The following FAM193B variants were observed in gnomAD, a reference collection of about 807,000 sequenced individuals.
FAM193B encodes protein FAM193B.
Under a neutral mutation model 70.7 loss-of-function variants are expected in FAM193B, and 27 were observed. That is an observed-to-expected ratio of 0.38 (90% confidence interval 0.28 to 0.53). The LOEUF is 0.53. Among genes scored for constraint, FAM193B ranks in the 20% least tolerant of loss-of-function variants. The pLI is 0.81. For missense variants in FAM193B, 1,022 were observed against 1,072.5 expected, an observed-to-expected ratio of 0.95 and a Z score of 0.66; for synonymous variants, 448 against 436.0, an observed-to-expected ratio of 1.03 and a Z score of -0.34.
At chr5:177,541,457 C>T (rs540334240) in intron 1 of FAM193B, among the ~76,000 whole-genome samples, 2 of 152,176 alleles carry the variant, frequency 1.3e-5, no homozygotes, top group African/African-American at 4.8e-5. Context: ...CTCGCTCTGT[C>T]GCCCAGGCTG....
intron 5 of FAM193B, chr5:177,531,626 C>T (rs1254688589): frequency 9.9e-7 from 1 of 1,008,294 alleles, no homozygotes; most frequent in South Asian, 1.6e-5. Context: ...GACAACTGTT[C>T]TCTCTACCAT....
intron 5 of FAM193B, chr5:177,525,550 C>T (rs1762459084): frequency 4.7e-6 from 1 of 212,340 alleles, no homozygotes; most frequent in South Asian, 1.9e-4. Flanking sequence ...GGCATTCTCT[C>T]CACCCCTACG....
In FAM193B at chr5:177,523,937, A is replaced by G; in HGVS notation, c.2372+20T>C. On this transcript the variant is annotated intron_variant, in intron 7 of 8. Transcript: ENST00000514747. The stretch of plus-strand genomic sequence containing the variant: ...ACCTGGAGTCCTCCACAAGTGGGAG[A>G]GCAGGCAGCCCACACCTACCTCTTA... 1 of 1,613,554 alleles carries G rather than the reference A, an allele frequency of 6.2e-7. No individual in the cohort carries two copies. Among genetic ancestry groups the G allele is most frequent in the Admixed American group, 1.7e-5 (1 of 60,022 alleles).
At chr5:177,552,042 C>T (rs1397474644) in intron 1 of FAM193B, 9 of 985,296 alleles carry the variant, frequency 9.1e-6, no homozygotes, top group Non-Finnish European at 1.1e-5. Flanking sequence ...CCCAAAGTAC[C>T]TAAAAGTCCT....
chr5:177,538,716 G>A lies in FAM193B; in HGVS notation c.453+189C>T, dbSNP rs1764487633. On this transcript the variant is annotated intron_variant, in intron 2 of 8. Coordinates refer to ENST00000514747, the MANE Select transcript of FAM193B (RefSeq NM_001190946.3). The surrounding 1 kb of genome is among the most constrained non-coding windows in gnomAD (Gnocchi z 4.1). Reference sequence around the variant, plus strand: ...ACCCTGAGGGACTGACCGGTGGGCTGCCAGAAGTTTCTCTTCTTCCCCCAA... The same window carrying A: ...ACCCTGAGGGACTGACCGGTGGGCTACCAGAAGTTTCTCTTCTTCCCCCAA... Among the ~76,000 whole-genome samples the A allele has an allele frequency of 6.6e-6, 1 of 152,144 alleles. No individual in the cohort carries two copies. The highest frequency in any genetic ancestry group is 1.5e-5 in the Non-Finnish European group (1 of 68,012).
chr5:177,523,739 ATCTC>A (rs1248426315), intron 7 of FAM193B, among the ~76,000 whole-genome samples: 1 of 152,240 alleles, frequency 6.6e-6, no homozygotes, highest in Non-Finnish European at 1.5e-5. Context: ...GCCTCCTCCT[ATCTC>A]TTGCACCTTC....
At position 177,543,085 on chromosome 5, in the gene FAM193B, G is replaced by C. The variant is rs1388973841; in HGVS notation, c.211-3938C>G. ...AATCTTAACCGCGTTAAGAGTAAAA[G>C]ACTGCATTCTTTAGGGATTATAATG... On this transcript the variant is annotated intron_variant, in intron 1 of 8. Coordinates refer to ENST00000514747, the MANE Select transcript of FAM193B (RefSeq NM_001190946.3). Among the ~76,000 whole-genome samples the C allele has an allele frequency of 2.0e-5, 3 of 152,300 alleles. No individual in the cohort carries two copies. In the East Asian group the frequency reaches 5.8e-4, roughly 29 times the overall value.
chr5:177,531,116 G>A (rs751216065), intron 5 of FAM193B, among the ~76,000 whole-genome samples: 5 of 152,116 alleles, frequency 3.3e-5, no homozygotes, highest in Admixed American at 6.5e-5. Flanking sequence ...TTGCCCCCAG[G>A]ATCCCTGACC....
At chr5:177,529,083 A>C (rs1215581303) in intron 5 of FAM193B, among the ~76,000 whole-genome samples, 3 of 152,164 alleles carry the variant, frequency 2.0e-5, no homozygotes, top group Non-Finnish European at 4.4e-5. Context: ...CCTGGGAAGA[A>C]GAGAACGGGG....
chr5:177,540,333 A>G (rs1222122263), intron 1 of FAM193B, among the ~76,000 whole-genome samples: 5 of 151,868 alleles, frequency 3.3e-5, no homozygotes, highest in African/African-American at 1.2e-4. Flanking sequence ...AAAGAAAAAC[A>G]AATATAAGTC....
rs1238922661 is a variant in FAM193B at position 177,554,260 on chromosome 5, G to A, written c.199C>T (p.Pro67Ser). The A allele has an allele frequency of 2.7e-6, 4 of 1,478,740 alleles. No homozygotes were observed. Among genetic ancestry groups the A allele is most frequent in the African/African-American group, 2.9e-5 (2 of 68,764 alleles). The allele number at this position is 1,478,740 out of a possible 1,614,324, so 91.6% of individuals were successfully genotyped here. A position where few individuals can be genotyped will look rare whatever the true frequency, so the allele number is the denominator to read the frequency against. The change falls in exon 1 of 9, where the codon CCC becomes TCC. Residue 67 changes from proline to serine, a missense_variant. Pro to Ser is a moderately conservative substitution (Grantham distance 74). Transcript: ENST00000514747. ...PREDDEPNLV[P>S]GPQVPPASSQ... is the part of the protein sequence containing the mutation. ...CCGCTCGCTCCTACCTGCGGGCCGG[G>A]CACCAGGTTGGGTTCGTCATCCTCC... is the stretch of plus-strand genomic sequence containing the variant.
At chr5:177,521,025 G>C (rs1453645601) in intron 8 of FAM193B, among the ~76,000 whole-genome samples, 1 of 152,180 alleles carries the variant, frequency 6.6e-6, no homozygotes, top group Non-Finnish European at 1.5e-5. Flanking sequence ...CCAGAGAGGA[G>C]CTGGCCTGGC....
At chr5:177,521,492 G>GTTCA (rs1761730788) in intron 8 of FAM193B, among the ~76,000 whole-genome samples, 1 of 152,234 alleles carries the variant, frequency 6.6e-6, no homozygotes, top group South Asian at 2.1e-4. Flanking sequence ...GACCCACGAT[G>GTTCA]TTCACTCAGG....
intron 1 of FAM193B, among the ~76,000 whole-genome samples, chr5:177,543,844 T>C (rs1379914609): frequency 6.6e-6 from 1 of 152,228 alleles, no homozygotes; most frequent in Non-Finnish European, 1.5e-5. Flanking sequence ...AGCTGTACTT[T>C]TAGCACCTGG....
chr5:177,546,253 A>G (rs1480917536), intron 1 of FAM193B, among the ~76,000 whole-genome samples: 1 of 152,254 alleles, frequency 6.6e-6, no homozygotes, highest in Non-Finnish European at 1.5e-5. Flanking sequence ...TTGCTGGTCA[A>G]GCTAAGCACA....
At chr5:177,542,071 A>G (rs1309897364) in intron 1 of FAM193B, among the ~76,000 whole-genome samples, 2 of 152,254 alleles carry the variant, frequency 1.3e-5, no homozygotes, top group East Asian at 3.8e-4. Flanking sequence ...GAATGACTGT[A>G]TATGGTTTTG....
chr5:177,525,291 T>C, intron 5 of FAM193B, 86 bp from the exon 6 acceptor site: 1 of 1,283,608 alleles, frequency 7.8e-7, no homozygotes, highest in African/African-American at 1.5e-5. Flanking sequence ...GGGGCCCAGC[T>C]TTGCCACTAA....
chr5:177,553,830 C>T, intron 1 of FAM193B: 1 of 1,283,024 alleles, frequency 7.8e-7, no homozygotes, highest in South Asian at 1.2e-5. Flanking sequence ...GAGCCGTTCC[C>T]GGGGGCAGAG....
intron 4 of FAM193B, among the ~76,000 whole-genome samples, chr5:177,533,986 A>G (rs1049254475): frequency 9.2e-5 from 14 of 152,246 alleles, no homozygotes; most frequent in African/African-American, 3.4e-4. Context: ...GAAACATCCC[A>G]TAATTTGAGC....
Sources: allele counts gnomAD v4.1 joint callset (sites outside exome capture counted in the v4.1 genomes callset), GRCh38; gene constraint gnomAD v4.1.1; non-coding constraint Gnocchi (gnomAD v3.1); transcripts MANE v1.5; gene names NCBI Gene and HGNC (gene_info 2026-07-23, HGNC 2026-07-21).